The following GPR137 variants were observed in gnomAD, a reference collection of about 807,000 sequenced individuals.
The protein encoded by GPR137 is integral membrane protein GPR137.
A neutral mutation model predicts 38.9 loss-of-function variants in GPR137; 20 were observed. The ratio of observed to expected loss-of-function variants is 0.51; its 90% CI spans 0.36 to 0.75. The LOEUF is 0.75. Ranked by LOEUF, GPR137 falls within the 30% of genes least tolerant of loss-of-function variation. The probability of loss-of-function intolerance (pLI) is 0.00; values close to 1 mark genes in which losing one functional copy is unlikely to be tolerated. For missense variants in GPR137, 456 were observed against 526.4 expected, an observed-to-expected ratio of 0.87 and a Z score of 1.31; for synonymous variants, 226 against 235.8, an observed-to-expected ratio of 0.96 and a Z score of 0.38.
chr11:64,285,008 G>C, upstream of GPR137: 2 of 1,252,048 alleles, frequency 1.6e-6, no homozygotes, highest in Non-Finnish European at 2.1e-6. Flanking sequence ...AGTGAAGTGG[G>C]GATAGTGACA....
upstream of GPR137, among the ~76,000 whole-genome samples, chr11:64,280,347 T>TAAA (rs1178286164): frequency 7.3e-6 from 1 of 137,814 alleles, no homozygotes; most frequent in Admixed American, 7.4e-5. Context: ...ATAATAATAA[T>TAAA]AATAATAATA....
chr11:64,286,365 CTGTT>C lies in GPR137; in HGVS notation c.-159_-156del. On this transcript the variant is annotated 5_prime_UTR_variant, in exon 1 of 7. It removes the in-frame stop codon of an upstream open reading frame in the 5' UTR. Transcript: ENST00000438980. ...GTGTTCCCCAAGGGCAAGGGTCTCT[CTGTT>C]GAGGAGGAGGGGCCTGTCAGCCACA... is the stretch of plus-strand genomic sequence containing the variant. The C allele has an allele frequency of 7.1e-7, 1 of 1,415,434 alleles. No individual in the cohort carries two copies. The highest frequency in any genetic ancestry group is 2.6e-5 in the East Asian group (1 of 37,790). 87.7% of individuals were successfully genotyped at this position (1,415,434 alleles called of 1,614,324 possible). A position where few individuals can be genotyped will look rare whatever the true frequency, so the allele number is the denominator to read the frequency against.
At chr11:64,277,201 C>T (rs115710209) in intron 2 of GPR137, among the ~76,000 whole-genome samples, 375 of 152,322 alleles carry the variant, frequency 2.5e-3, no homozygotes, top group African/African-American at 8.5e-3. Flanking sequence ...CTACCACATG[C>T]CGACCACACA....
chr11:64,275,134 G>A (rs2032963576), upstream of GPR137, among the ~76,000 whole-genome samples: 1 of 151,840 alleles, frequency 6.6e-6, no homozygotes, highest in Admixed American at 6.6e-5. Context: ...GGTCAGGTGG[G>A]GATACCTCAA....
In GPR137 at chr11:64,288,745, G is replaced by A. The variant is rs779864604; in HGVS notation, c.1031+24G>A. 1.3e-5 allele frequency: 20 copies of A among 1,518,198 alleles called. No homozygotes were observed. Among genetic ancestry groups the A allele is most frequent in the Non-Finnish European group, 1.7e-5 (19 of 1,130,748 alleles). The allele number at this position is 1,518,198 out of a possible 1,614,324, so 94.0% of individuals were successfully genotyped here. On this transcript the variant is annotated intron_variant, in intron 6 of 6. Transcript: ENST00000438980. The surrounding 1 kb of genome is among the most constrained non-coding windows in gnomAD (Gnocchi z 5.5). ...AGGTAGGAGCCGTGGCACTGCCTCA[G>A]TACCCCTGCCCTACCCGCCCACCCC...
At chr11:64,284,637 C>T (rs536241063), upstream of GPR137, 38 of 1,529,256 alleles carry the variant, frequency 2.5e-5, no homozygotes, top group African/African-American at 4.4e-4. Context: ...TCACCCCAAG[C>T]CCGATCTCGA....
chr11:64,284,850 C>A, upstream of GPR137: 4 of 1,503,856 alleles, frequency 2.7e-6, no homozygotes, highest in Non-Finnish European at 3.5e-6. Context: ...TTCCTCCCTC[C>A]TTCGGCCCCG....
At chr11:64,276,676 G>C in intron 2 of GPR137, 1 of 528,388 alleles carries the variant, frequency 1.9e-6, no homozygotes, top group Non-Finnish European at 3.4e-6. Flanking sequence ...AAACCCTGGG[G>C]GAGTGTCTGT....
upstream of GPR137, chr11:64,271,490 G>T: frequency 9.6e-7 from 1 of 1,043,240 alleles, no homozygotes. Context: ...GGAAGGAACA[G>T]GACGGCTTTG....
At chr11:64,284,547 G>A, upstream of GPR137, 1 of 1,501,896 alleles carries the variant, frequency 6.7e-7, no homozygotes, top group Non-Finnish European at 8.9e-7. Flanking sequence ...AGCTGAGGCT[G>A]TCGGCTCAGG....
At chr11:64,275,344 T>C (rs1207629025), upstream of GPR137, among the ~76,000 whole-genome samples, 1 of 152,220 alleles carries the variant, frequency 6.6e-6, no homozygotes, top group Non-Finnish European at 1.5e-5. Context: ...TTTCCAGTTC[T>C]GTGGTGCGGT....
chr11:64,270,546 C>T, exon 1 of GPR137: 1 of 743,546 alleles, frequency 1.3e-6, no homozygotes, highest in Non-Finnish European at 2.3e-6. Flanking sequence ...CCAGGAACTC[C>T]GTGCCGGAGA....
At chr11:64,281,534 A>G (rs1348768616), upstream of GPR137, among the ~76,000 whole-genome samples, 1 of 151,240 alleles carries the variant, frequency 6.6e-6, no homozygotes, top group Non-Finnish European at 1.5e-5. Flanking sequence ...CCTTTCCTAA[A>G]CCCCCTCCCC....
upstream of GPR137, chr11:64,270,687 TG>T (rs2032441558): frequency 1.9e-6 from 1 of 533,562 alleles, no homozygotes; most frequent in Non-Finnish European, 3.6e-6. Flanking sequence ...CCCAGCACTT[TG>T]GGAGGTTGAA....
chr11:64,278,157 G>T (rs994890458), intron 2 of GPR137, among the ~76,000 whole-genome samples: 14 of 152,024 alleles, frequency 9.2e-5, no homozygotes, highest in Non-Finnish European at 1.9e-4. Context: ...AGCCAGGCAT[G>T]GTGGCGTGCG....
chr11:64,277,168 A>C (rs2033131558), intron 2 of GPR137: 2 of 596,794 alleles, frequency 3.4e-6, no homozygotes. Flanking sequence ...CCATCAGGCA[A>C]GGGCTGGGTT....
chr11:64,275,860 C>A (rs1007000881), intron 1 of GPR137: 2 of 152,010 alleles, frequency 1.3e-5, no homozygotes, highest in Non-Finnish European at 2.9e-5. Flanking sequence ...TGGTCGGAAG[C>A]CCTCCCTGTG....
At chr11:64,271,674 G>T (rs1210037255), upstream of GPR137, 5 of 1,501,034 alleles carry the variant, frequency 3.3e-6, no homozygotes, top group Non-Finnish European at 4.4e-6. Context: ...GCGCTGTGCT[G>T]CCCAGAGGTT....
chr11:64,286,102 C>T lies in GPR137; in HGVS notation c.-423C>T, dbSNP rs953434358. 3.0e-5 allele frequency: 30 copies of T among 999,254 alleles called. No individual in the cohort carries two copies. Among genetic ancestry groups the T allele is most frequent in the African/African-American group, 3.5e-5 (2 of 57,796 alleles). The allele number at this position is 999,254 out of a possible 1,614,324, so 61.9% of individuals were successfully genotyped here. On this transcript the variant is annotated 5_prime_UTR_variant, in exon 1 of 7. Coordinates refer to ENST00000438980, the MANE Select transcript of GPR137 (RefSeq NM_001170880.2). ...GAGGGGGAGAGCGGGGCATTGGGCG[C>T]CCCTCGCAGCGGCCGCTGCCCTGAC...
Sources: gnomAD v4.1 joint callset for allele counts (sites outside exome capture counted in the v4.1 genomes callset) on GRCh38, gnomAD v4.1.1 for gene constraint, Gnocchi (gnomAD v3.1) non-coding constraint, MANE v1.5 for transcripts, NCBI Gene and HGNC (gene_info 2026-07-23, HGNC 2026-07-21) for gene names.